SUGCT: variants seen among roughly 807,000 people sequenced by gnomAD.
The protein encoded by SUGCT is succinyl-CoA:glutarate-CoA transferase, also known as succinyl-CoA:glutarate CoA-transferase.
A neutral mutation model predicts 55.0 loss-of-function variants in SUGCT; 41 were observed. That is an observed-to-expected ratio of 0.74 (90% CI 0.58 to 0.97). The LOEUF is 0.97. Ranked by LOEUF, SUGCT falls within the 50% of genes least tolerant of loss-of-function variation. The probability of loss-of-function intolerance (pLI) is 0.00; values close to 1 mark genes in which losing one functional copy is unlikely to be tolerated. For synonymous variants in SUGCT, 187 were observed against 200.4 expected (o/e 0.93, Z 0.56); for missense variants, 568 against 547.8 (o/e 1.04, Z -0.37).
At chr7:40,447,209 T>C (rs1562784063) in intron 9 of SUGCT, among the ~76,000 whole-genome samples, 1 of 152,334 alleles carries the variant, frequency 6.6e-6, no homozygotes, top group East Asian at 1.9e-4. Context: ...ATCACAATAT[T>C]TGGCCTTTAG....
chr7:40,632,925 T>C (rs1269771194), intron 12 of SUGCT, among the ~76,000 whole-genome samples: 1 of 151,988 alleles, frequency 6.6e-6, no homozygotes, highest in Non-Finnish European at 1.5e-5. Context: ...TATAAAGAGG[T>C]TTTTCTTTAG....
At chr7:41,022,502 G>T in the SUGCT span, among the ~76,000 whole-genome samples, 4 of 152,150 alleles carry the variant, frequency 2.6e-5, no homozygotes, top group African/African-American at 9.6e-5. Flanking sequence ...GGAATAGAAT[G>T]CAAAGATTGA....
At chr7:40,701,762 T>C (rs1474767055) in intron 12 of SUGCT, among the ~76,000 whole-genome samples, 1 of 152,182 alleles carries the variant, frequency 6.6e-6, no homozygotes, top group Non-Finnish European at 1.5e-5. Context: ...TTGCTAAACT[T>C]CACTGGAAAG....
At chr7:40,857,443 T>C (rs966220736) in intron 13 of SUGCT, among the ~76,000 whole-genome samples, 21 of 152,204 alleles carry the variant, frequency 1.4e-4, no homozygotes, top group Admixed American at 6.5e-5. Context: ...TGTGAAAAAG[T>C]TGCCAGGTAA....
intron 13 of SUGCT, among the ~76,000 whole-genome samples, chr7:40,808,705 A>C (rs1791238933): frequency 6.6e-6 from 1 of 152,206 alleles, no homozygotes; most frequent in South Asian, 2.1e-4. Flanking sequence ...ATACAAAAAT[A>C]TCTCTTGTGT....
chr7:40,451,342 C>T (rs548561103), intron 10 of SUGCT, among the ~76,000 whole-genome samples: 23 of 152,182 alleles, frequency 1.5e-4, no homozygotes, highest in Middle Eastern at 6.8e-3. Flanking sequence ...TCATTACTGC[C>T]GATCAAGTTA....
intron 12 of SUGCT, among the ~76,000 whole-genome samples, chr7:40,636,343 A>G (rs79099594): frequency 0.013 from 1,995 of 152,086 alleles, 31 homozygotes; most frequent in African/African-American, 0.046. Context: ...TGGATTTCTC[A>G]GAGTATGGAG....
chr7:40,669,751 G>T (rs1461851434), intron 12 of SUGCT, among the ~76,000 whole-genome samples: 1 of 151,846 alleles, frequency 6.6e-6, no homozygotes, highest in Non-Finnish European at 1.5e-5. Flanking sequence ...CACCCTTAAT[G>T]GACGACAGAT....
chr7:40,662,537 C>T (rs1050221608), intron 12 of SUGCT, among the ~76,000 whole-genome samples: 6 of 152,226 alleles, frequency 3.9e-5, no homozygotes, highest in Non-Finnish European at 7.3e-5. Flanking sequence ...CATTGGCCTT[C>T]CTTTTGGGAC....
At chr7:40,964,630 T>C in the SUGCT span, 1 of 152,206 alleles carries the variant, frequency 6.6e-6, no homozygotes, top group Non-Finnish European at 1.5e-5. Context: ...TGTGACTTCA[T>C]GGGAATGATC....
At chr7:40,416,345 A>T (rs930917236) in intron 9 of SUGCT, among the ~76,000 whole-genome samples, 3 of 151,652 alleles carry the variant, frequency 2.0e-5, no homozygotes, top group African/African-American at 7.2e-5. Flanking sequence ...TCTTATCCTT[A>T]TTTACTAGAA....
chr7:40,726,140 G>T (rs189852360), intron 12 of SUGCT, among the ~76,000 whole-genome samples: 2 of 152,044 alleles, frequency 1.3e-5, no homozygotes, highest in Non-Finnish European at 2.9e-5. Flanking sequence ...AGGTTCCTAC[G>T]CAGGAACGGT....
intron 9 of SUGCT, among the ~76,000 whole-genome samples, chr7:40,421,507 T>C (rs757766720): frequency 6.6e-5 from 10 of 152,172 alleles, no homozygotes; most frequent in Non-Finnish European, 1.3e-4. Flanking sequence ...TGGTCTGAAT[T>C]CCATGAGCTT....
At chr7:40,969,030 A>G in the SUGCT span, among the ~76,000 whole-genome samples, 4 of 152,194 alleles carry the variant, frequency 2.6e-5, no homozygotes, top group African/African-American at 9.6e-5. Context: ...AGCCGGCCCC[A>G]CGAGGCCAAC....
chr7:40,166,635 C>T (rs1784435863), intron 1 of SUGCT, among the ~76,000 whole-genome samples: 1 of 152,120 alleles, frequency 6.6e-6, no homozygotes, highest in African/African-American at 2.4e-5. Flanking sequence ...ACCTGTAATC[C>T]CAGCATTTTG....
At chr7:40,630,481 G>A (rs775843591) in intron 12 of SUGCT, among the ~76,000 whole-genome samples, 1 of 152,146 alleles carries the variant, frequency 6.6e-6, no homozygotes, top group African/African-American at 2.4e-5. Context: ...CTAAAAAATA[G>A]TAGGACCTCT....
intron 3 of SUGCT, among the ~76,000 whole-genome samples, chr7:40,186,600 T>C (rs943718345): frequency 3.3e-5 from 5 of 152,168 alleles, no homozygotes; most frequent in Admixed American, 1.3e-4. Context: ...AGATTATTTT[T>C]ATTTGTGTAA....
the SUGCT span, among the ~76,000 whole-genome samples, chr7:41,032,245 C>T: frequency 6.6e-6 from 1 of 152,134 alleles, no homozygotes; most frequent in Admixed American, 6.5e-5. Flanking sequence ...ACCTAGTACC[C>T]ATGTGCATCT....
At position 40,530,050 on chromosome 7, in the gene SUGCT, A is replaced by G. The variant is rs188058023; in HGVS notation, c.1089+33664A>G. Among the ~76,000 whole-genome samples the G allele has an allele frequency of 1.9e-3, 286 of 152,250 alleles. 1 individual carries two copies. Among genetic ancestry groups the G allele is most frequent in the Non-Finnish European group, 3.2e-3 (215 of 68,022 alleles). Reference sequence around the variant, plus strand: ...TCCAATTTTTTTGCCTTTAAATTCTATCCTGCATTTTGCTGCTCATGTAGT... The same window carrying G: ...TCCAATTTTTTTGCCTTTAAATTCTGTCCTGCATTTTGCTGCTCATGTAGT... On this transcript the variant is annotated intron_variant, in intron 12 of 13. Coordinates refer to ENST00000335693, the MANE Select transcript of SUGCT (RefSeq NM_001193313.2).
Sources: allele counts gnomAD v4.1 joint callset (sites outside exome capture counted in the v4.1 genomes callset), GRCh38; gene constraint gnomAD v4.1.1; transcripts MANE v1.5; gene names NCBI Gene and HGNC (gene_info 2026-07-23, HGNC 2026-07-21).